Variants in HAVCR1 observed in about 807,000 individuals in gnomAD.
The protein encoded by HAVCR1 is T cell immunoglobin domain and mucin domain protein 1.
A neutral mutation model predicts 32.0 loss-of-function variants in HAVCR1; 34 were observed. That is an observed-to-expected ratio of 1.06 (90% CI 0.81 to 1.42). The LOEUF is 1.42. HAVCR1 is among the 40% of genes most tolerant of loss of function. HAVCR1 has a pLI of 0.00. For synonymous variants in HAVCR1, 178 were observed against 170.3 expected (o/e 1.05, Z -0.35); for missense variants, 420 against 442.3 (o/e 0.95, Z 0.45).
chr5:157,059,159 G>A (rs1251277626), upstream of HAVCR1: 1 of 152,256 alleles, frequency 6.6e-6, no homozygotes, highest in African/African-American at 2.4e-5. Flanking sequence ...CAGGCTCTGT[G>A]TCAAGCACCC....
intron 7 of HAVCR1, 141 bp downstream of exon 7, chr5:157,037,106 A>G (rs1429532267): frequency 1.0e-5 from 7 of 679,710 alleles, no homozygotes; most frequent in Non-Finnish European, 2.6e-6. Context: ...TGGTATTACC[A>G]TGTGACTTTT....
intron 3 of HAVCR1, among the ~76,000 whole-genome samples, chr5:157,053,382 T>TAAAAAAAA (rs10654856): frequency 7.7e-5 from 9 of 116,806 alleles, no homozygotes; most frequent in Admixed American, 9.9e-5. Context: ...GACCCTGTCT[T>TAAAAAAAA]AAAAAAAAAA....
At chr5:157,058,036 C>T in intron 1 of HAVCR1, 81 bp from the exon 2 acceptor site, 1 of 973,084 alleles carries the variant, frequency 1.0e-6, no homozygotes, top group Non-Finnish European at 1.7e-6. Context: ...CAGATTGCAA[C>T]TTATCTTTTC....
chr5:157,052,377 C>T lies in HAVCR1; in HGVS notation c.657G>A (p.Arg219=). Residue 219 remains arginine (R), a synonymous_variant, in exon 4 of 9, where the codon AGG becomes AGA. Coordinates refer to ENST00000523175, the MANE Select transcript of HAVCR1 (RefSeq NM_001173393.3). ...STFVPPMPLP[R]QNHEPVATSP... is the part of the protein sequence containing the mutation. ...CTGTTTTACCTGGTTCATGGTTCTGCCTGGGCAAAGGCATTGGAGGAACAA... is the reference window on the plus strand; with the variant it reads ...CTGTTTTACCTGGTTCATGGTTCTGTCTGGGCAAAGGCATTGGAGGAACAA... The T allele has an allele frequency of 6.2e-7, 1 of 1,614,136 alleles. No individual in the cohort carries two copies. Among genetic ancestry groups the T allele is most frequent in the African/African-American group, 1.3e-5 (1 of 75,048 alleles).
intron 5 of HAVCR1, among the ~76,000 whole-genome samples, chr5:157,048,831 GA>G (rs1453097718): frequency 3.0e-5 from 2 of 67,752 alleles, no homozygotes; most frequent in Non-Finnish European, 5.6e-5. Context: ...CTCCATCTCA[GA>G]AAAAAAAAGA....
intron 5 of HAVCR1, among the ~76,000 whole-genome samples, chr5:157,045,905 T>C (rs1411311191): frequency 2.6e-5 from 4 of 152,210 alleles, no homozygotes; most frequent in Non-Finnish European, 5.9e-5. Context: ...CAGGTTTCAC[T>C]GACATAGTAT....
chr5:157,040,474 A>G (rs1158811048), intron 6 of HAVCR1, among the ~76,000 whole-genome samples: 3 of 152,258 alleles, frequency 2.0e-5, no homozygotes, highest in Non-Finnish European at 2.9e-5. Context: ...AAATGTTTAA[A>G]TGTTACGCCA....
In HAVCR1 at chr5:157,032,860, TG is replaced by T. The variant is rs767892992; in HGVS notation, c.979del (p.Gln327AsnfsTer2). The T allele has an allele frequency of 1.3e-6, 2 of 1,573,890 alleles. No homozygotes were observed. The highest frequency in any genetic ancestry group is 2.2e-5 in the East Asian group (1 of 44,490). On this transcript the variant is annotated frameshift_variant, in exon 8 of 9. Coordinates refer to ENST00000523175, the MANE Select transcript of HAVCR1 (RefSeq NM_001173393.3). LOFTEE classifies it low-confidence loss of function (END_TRUNC). ...KKYFFKKEVQQLSVSFSSLQI... is the reference protein window; with the variant it reads ...KKYFFKKEVQXLSVSFSSLQI... ...GAAATATTTTCGAGCTTACCTTAGT[TG>T]TTGAACCTCCTTTTTGAAGAAATAC...
rs576606517 is a variant in HAVCR1 at position 157,030,488 on chromosome 5, C to T, written c.987-647G>A. ...GCAACATAGCGAGACCCCGTCTCTA[C>T]AGATTTTTTTTTTAATTAGCCAGGT... On this transcript the variant is annotated intron_variant, in intron 8 of 8. Coordinates refer to ENST00000523175, the MANE Select transcript of HAVCR1 (RefSeq NM_001173393.3). Among the ~76,000 whole-genome samples, 6 of 152,176 alleles carry T rather than the reference C, an allele frequency of 3.9e-5. 1 individual carries two copies. The highest frequency in any genetic ancestry group is 1.9e-4 in the East Asian group (1 of 5,174).
At chr5:157,035,458 C>A (rs1348537263) in intron 7 of HAVCR1, among the ~76,000 whole-genome samples, 1 of 152,150 alleles carries the variant, frequency 6.6e-6, no homozygotes, top group Non-Finnish European at 1.5e-5. Context: ...AACACACACA[C>A]ACACAGTTAG....
chr5:157,042,501 C>A, intron 6 of HAVCR1, 126 bp downstream of exon 6: 74 of 459,902 alleles, frequency 1.6e-4, no homozygotes, highest in Middle Eastern at 3.7e-4. Flanking sequence ...TTTTCTTCAA[C>A]TTTTTTTTAA....
chr5:157,048,407 T>C lies in HAVCR1; in HGVS notation c.781+631A>G, dbSNP rs1001639076. ...TGCAGTCAGGCATTTGGATTCTTGA[T>C]GTTCTAAGGAATAATAATAATAGCT... On this transcript the variant is annotated intron_variant, in intron 5 of 8. Coordinates refer to ENST00000523175, the MANE Select transcript of HAVCR1 (RefSeq NM_001173393.3). Among the ~76,000 whole-genome samples the C allele has an allele frequency of 4.6e-5, 7 of 152,370 alleles. No individual in the cohort carries two copies. In the South Asian group the frequency reaches 1.5e-3, roughly 32 times the overall value.
the HAVCR1 span, among the ~76,000 whole-genome samples, chr5:157,068,577 ACT>A: frequency 6.6e-6 from 1 of 151,594 alleles, no homozygotes; most frequent in African/African-American, 2.4e-5. Flanking sequence ...ACAAAGCAAG[ACT>A]CTGTCATAAA....
In HAVCR1 at chr5:157,029,916, T is replaced by G. The variant is rs994391699; in HGVS notation, c.987-75A>C. On this transcript the variant is annotated intron_variant, in intron 8 of 8. Transcript: ENST00000523175. ...CACTTCTCACATATAAGCTGCACTTTTGTTTATGATCAGGCAATATCAGGT... is the reference window on the plus strand; with the variant it reads ...CACTTCTCACATATAAGCTGCACTTGTGTTTATGATCAGGCAATATCAGGT... The G allele has an allele frequency of 1.7e-5, 22 of 1,266,888 alleles. 1 individual carries two copies. The Admixed American group carries it at 4.0e-4, about 23-fold the overall frequency. 78.5% of individuals were successfully genotyped at this position (1,266,888 alleles called of 1,614,324 possible). A position where few individuals can be genotyped will look rare whatever the true frequency, so the allele number is the denominator to read the frequency against.
chr5:157,068,143 G>A, the HAVCR1 span, among the ~76,000 whole-genome samples: 1 of 152,056 alleles, frequency 6.6e-6, no homozygotes, highest in South Asian at 2.1e-4. Flanking sequence ...GCATGGTTGC[G>A]GGTGCTTCTA....
chr5:157,053,351 C>A (rs1195725137), intron 3 of HAVCR1, among the ~76,000 whole-genome samples: 7 of 141,968 alleles, frequency 4.9e-5, no homozygotes, highest in African/African-American at 1.8e-4. Flanking sequence ...CCACTGCACT[C>A]CAGCCTGAGA....
chr5:157,068,903 G>T, the HAVCR1 span, among the ~76,000 whole-genome samples: 1 of 151,998 alleles, frequency 6.6e-6, no homozygotes, highest in Non-Finnish European at 1.5e-5. Context: ...GAGCCACCAC[G>T]CCCCCTAATA....
chr5:157,056,616 G>A (rs958514518), intron 2 of HAVCR1, among the ~76,000 whole-genome samples: 13 of 151,848 alleles, frequency 8.6e-5, no homozygotes, highest in South Asian at 2.1e-4. Context: ...TCCTGACCTC[G>A]TGATCTGCCC....
chr5:157,031,505 G>C (rs936137496), intron 8 of HAVCR1, among the ~76,000 whole-genome samples: 5 of 152,116 alleles, frequency 3.3e-5, no homozygotes, highest in Admixed American at 6.6e-5. Flanking sequence ...TGGCCTTGGG[G>C]CATAGATGCA....
Sources: allele counts gnomAD v4.1 joint callset (sites outside exome capture counted in the v4.1 genomes callset), GRCh38; gene constraint gnomAD v4.1.1; transcripts MANE v1.5; gene names NCBI Gene and HGNC (gene_info 2026-07-23, HGNC 2026-07-21).